CNOT1: variants seen among roughly 807,000 people sequenced by gnomAD.
The protein encoded by CNOT1 is CCR4-associated factor 1.
A neutral mutation model predicts 273.8 loss-of-function variants in CNOT1; 15 were observed. The observed-to-expected ratio is 0.05, with a 90% CI of 0.04 to 0.08. CNOT1 has a LOEUF of 0.08. Ranked by LOEUF, CNOT1 falls within the 10% of genes least tolerant of loss-of-function variation. The probability of loss-of-function intolerance (pLI) is 1.00; values close to 1 mark genes in which losing one functional copy is unlikely to be tolerated. For missense variants in CNOT1, 1,644 were observed against 2,912.2 expected, an observed-to-expected ratio of 0.56 and a Z score of 10.02; for synonymous variants, 1,022 against 1,005.5, an observed-to-expected ratio of 1.02 and a Z score of -0.31.
chr16:58,587,917 T>C (rs1304358942), intron 3 of CNOT1, 39 bp from the exon 4 acceptor site: 2 of 1,574,372 alleles, frequency 1.3e-6, no homozygotes, highest in Non-Finnish European at 1.7e-6. Context: ...GCACTAATCA[T>C]CATCTAAGAA....
chr16:58,600,068 GA>G (rs1052355520), intron 1 of CNOT1, among the ~76,000 whole-genome samples: 37 of 150,276 alleles, frequency 2.5e-4, no homozygotes, highest in African/African-American at 3.9e-4. Context: ...CAACTTGGGG[GA>G]AAAAAAAATA....
At chr16:58,587,657 G>T in intron 4 of CNOT1, 123 bp downstream of exon 4, 1 of 1,195,660 alleles carries the variant, frequency 8.4e-7, no homozygotes, top group Non-Finnish European at 1.2e-6. Context: ...AACTATAAAA[G>T]ACACCCCAAA....
chr16:58,553,115 T>C (rs2040509944), intron 22 of CNOT1, among the ~76,000 whole-genome samples: 1 of 151,812 alleles, frequency 6.6e-6, no homozygotes, highest in Non-Finnish European at 1.5e-5. Context: ...TCTACAAAAA[T>C]ACAAAAATTA....
chr16:58,535,294 C>T (rs1002214992), intron 39 of CNOT1, among the ~76,000 whole-genome samples: 17 of 152,194 alleles, frequency 1.1e-4, no homozygotes, highest in Admixed American at 1.0e-3. Flanking sequence ...CTGTACCCTG[C>T]TGGGACAGAA....
chr16:58,587,187 A>G lies in CNOT1; in HGVS notation c.433+14T>C, dbSNP rs745842320. 1.9e-6 allele frequency: 3 copies of G among 1,608,364 alleles called. No homozygotes were observed. The highest frequency in any genetic ancestry group is 2.5e-6 in the Non-Finnish European group (3 of 1,178,634). ...AAGTCTCACTTCGTGATATTTTTGG[A>G]AAAAGTAACTCACCGAAACCTCTAA... is the stretch of plus-strand genomic sequence containing the variant. On this transcript the variant is annotated intron_variant, in intron 6 of 48. Transcript: ENST00000317147.
Position 58,538,234 on chromosome 16 carries a change from T to TGTTTTCTGTGTTGCCAGTCA in CNOT1, c.5167_5168insTGACTGGCAACACAGAAAAC (p.Tyr1723LeufsTer16). On this transcript the variant is annotated frameshift_variant, in exon 37 of 49. Coordinates refer to ENST00000317147, the MANE Select transcript of CNOT1 (RefSeq NM_016284.5). LOFTEE classifies it high-confidence loss of function. Reference sequence around the variant, plus strand: ...TAGCAGCTCCACAGCCTCCACATTATATTTATATTCATCTCGACATTCAAT... The same window carrying TGTTTTCTGTGTTGCCAGTCA: ...TAGCAGCTCCACAGCCTCCACATTATGTTTTCTGTGTTGCCAGTCAATTTATATTCATCTCGACATTCAAT... The TGTTTTCTGTGTTGCCAGTCA allele has an allele frequency of 7.0e-7, 1 of 1,419,088 alleles. No individual in the cohort carries two copies. The highest frequency in any genetic ancestry group is 1.0e-6 in the Non-Finnish European group (1 of 1,002,018). 87.9% of individuals were successfully genotyped at this position (1,419,088 alleles called of 1,614,324 possible).
chr16:58,537,854 C>T, intron 38 of CNOT1, 37 bp downstream of exon 38: 1 of 1,610,146 alleles, frequency 6.2e-7, no homozygotes, highest in South Asian at 1.1e-5. Context: ...TAGAAGACTA[C>T]TAAATGCACA....
At chr16:58,546,186 G>T in intron 29 of CNOT1, 135 bp downstream of exon 29, 1 of 729,102 alleles carries the variant, frequency 1.4e-6, no homozygotes. Flanking sequence ...ATAATTAGAA[G>T]GCTCACCAAA....
At chr16:58,552,577 CACTCACTTGAATGAATAT>C (rs2040488521) in intron 22 of CNOT1, among the ~76,000 whole-genome samples, 1 of 152,138 alleles carries the variant, frequency 6.6e-6, no homozygotes, top group South Asian at 2.1e-4. Flanking sequence ...TGTCTCAATC[CACTCACTTGAATGAATAT>C]ACTCCACATT....
chr16:58,585,626 A>G, intron 7 of CNOT1, 120 bp from the exon 8 acceptor site: 1 of 1,435,628 alleles, frequency 7.0e-7, no homozygotes, highest in Non-Finnish European at 9.1e-7. Flanking sequence ...AGCCAAGCTT[A>G]TTTCATTTTT....
At chr16:58,537,751 T>G in intron 38 of CNOT1, 140 bp downstream of exon 38, 1 of 1,095,208 alleles carries the variant, frequency 9.1e-7, no homozygotes, top group Non-Finnish European at 1.3e-6. Flanking sequence ...GTGACAATAT[T>G]AGCCCTTACC....
chr16:58,587,389 A>G lies in CNOT1; in HGVS notation c.334T>C (p.Phe112Leu), dbSNP rs2041909450. The stretch of plus-strand genomic sequence containing the variant: ...TTGAGCACTTTACTCAGCTGGGCAA[A>G]TAAGTGGGGTGCAGGCTTTAAACTC... ...QKSLKPAPHL[F>L]AQLSKVLKLS... The change falls in exon 5 of 49, where the codon TTT (phenylalanine) becomes CTT (leucine). Residue 112 changes from phenylalanine to leucine, a missense_variant. Phe to Leu is a conservative substitution (Grantham distance 22). Transcript: ENST00000317147. The G allele has an allele frequency of 1.2e-6, 2 of 1,613,900 alleles. No individual in the cohort carries two copies. Among genetic ancestry groups the G allele is most frequent in the South Asian group, 1.1e-5 (1 of 91,080 alleles).
At position 58,555,537 on chromosome 16, in the gene CNOT1, C is replaced by T; in HGVS notation, c.2605G>A (p.Val869Ile). 6.2e-7 allele frequency: 1 copy of T among 1,609,972 alleles called. No individual in the cohort carries two copies. The highest frequency in any genetic ancestry group is 8.5e-7 in the Non-Finnish European group (1 of 1,178,668). Residue 869 changes from valine to isoleucine, a missense_variant and splice_region_variant, in exon 21 of 49, where the codon GTA becomes ATA. Val to Ile is a conservative substitution (Grantham distance 29). This residue lies in a region of CNOT1 where 74 missense variants were observed against 184.6 expected (regional missense o/e 0.40). Transcript: ENST00000317147. ...PPHPTMSVDE[V>I]LEMLQRFKDS... ...TTAAATCTCTGCAGCATTTCTAATA[C>T]CTGGAAAAGCAAGACAAAAACAACG...
In CNOT1 at chr16:58,546,464, T is replaced by C; in HGVS notation, c.3863A>G (p.Lys1288Arg). The C allele has an allele frequency of 6.2e-7, 1 of 1,613,876 alleles. No individual in the cohort carries two copies. Among genetic ancestry groups the C allele is most frequent in the Non-Finnish European group, 8.5e-7 (1 of 1,179,916 alleles). The part of the protein sequence containing the change: ...NLKFEIEVLC[K>R]NLALDINELK... ...CTCATTGATGTCTAATGCAAGGTTC[T>C]TGCAGAGAACCTCGATTTCAAACTT... The change falls in exon 29 of 49, where the codon AAG (lysine) becomes AGG (arginine). Residue 1288 changes from lysine (K) to arginine (R), a missense_variant. By Grantham distance (26) the Lys-to-Arg change is conservative (BLOSUM62 2). Transcript: ENST00000317147.
At position 58,547,417 on chromosome 16, in the gene CNOT1, C is replaced by G; in HGVS notation, c.3640-121G>C. 1 of 1,518,364 alleles carries G rather than the reference C, an allele frequency of 6.6e-7. No homozygotes were observed. Among genetic ancestry groups the G allele is most frequent in the Non-Finnish European group, 8.9e-7 (1 of 1,127,768 alleles). The allele number at this position is 1,518,364 out of a possible 1,614,324, so 94.1% of individuals were successfully genotyped here. A position where few individuals can be genotyped will look rare whatever the true frequency, so the allele number is the denominator to read the frequency against. On this transcript the variant is annotated intron_variant, in intron 26 of 48. Coordinates refer to ENST00000317147, the MANE Select transcript of CNOT1 (RefSeq NM_016284.5). This position sits in a 1 kb window ranked among gnomAD's most constrained non-coding sequence, Gnocchi z 4.0. ...AACAGGAATCAACATAATGTCTAGT[C>G]CTTGCCTTACAAAAAGGGGTTAACA... is the stretch of plus-strand genomic sequence containing the variant.
chr16:58,555,106 G>T, intron 21 of CNOT1, 145 bp downstream of exon 21: 1 of 1,179,180 alleles, frequency 8.5e-7, no homozygotes. Context: ...TACTCAGGAG[G>T]CTGAAGTGGG....
Position 58,538,063 on chromosome 16 carries a change from G to A in CNOT1, c.5245-3C>T. ...TAGTTTAAGCCATTCTCCATTGACT[G>A]GCAACACAGAAAACATAATGTGAGA... is the stretch of plus-strand genomic sequence containing the variant. On this transcript the variant is annotated splice_region_variant and splice_polypyrimidine_tract_variant and intron_variant, in intron 37 of 48. Coordinates refer to ENST00000317147, the MANE Select transcript of CNOT1 (RefSeq NM_016284.5). 1 of 1,614,142 alleles carries A rather than the reference G, an allele frequency of 6.2e-7. No individual in the cohort carries two copies. The highest frequency in any genetic ancestry group is 8.5e-7 in the Non-Finnish European group (1 of 1,180,028).
At chr16:58,578,431 C>T (rs953113088) in intron 13 of CNOT1, among the ~76,000 whole-genome samples, 9 of 134,220 alleles carry the variant, frequency 6.7e-5, no homozygotes, top group African/African-American at 1.1e-4. Flanking sequence ...CCAGCCTGGG[C>T]GACAGAGCAA....
intron 43 of CNOT1, among the ~76,000 whole-genome samples, chr16:58,529,242 T>C (rs986738093): frequency 6.6e-6 from 1 of 152,084 alleles, no homozygotes; most frequent in African/African-American, 2.4e-5. Context: ...CGCAAAGATT[T>C]CCTACACAAG....
Sources: allele counts gnomAD v4.1 joint callset (sites outside exome capture counted in the v4.1 genomes callset), GRCh38; gene constraint gnomAD v4.1.1; regional missense constraint gnomAD v4.1.1; non-coding constraint Gnocchi (gnomAD v3.1); transcripts MANE v1.5; gene names NCBI Gene and HGNC (gene_info 2026-07-23, HGNC 2026-07-21).